The following ENOX2 variants were observed in gnomAD, a reference collection of about 807,000 sequenced individuals.
The protein encoded by ENOX2 is ecto-NOX disulfide-thiol exchanger 2.
Under a neutral mutation model 45.0 loss-of-function variants are expected in ENOX2, and 36 were observed. That is an observed-to-expected ratio of 0.80 (90% confidence interval 0.61 to 1.06). The LOEUF (loss-of-function observed/expected upper bound fraction) is 1.06, where lower values mean the gene tolerates loss of function less well. Ranked by LOEUF, ENOX2 falls within the 50% of genes least tolerant of loss-of-function variation. The probability of loss-of-function intolerance (pLI) is 0.00; values close to 1 mark genes in which losing one functional copy is unlikely to be tolerated. For missense variants in ENOX2, 423 were observed against 462.5 expected, an observed-to-expected ratio of 0.91 and a Z score of 0.78; for synonymous variants, 174 against 152.3, an observed-to-expected ratio of 1.14 and a Z score of -1.05.
intron 13 of ENOX2, among the ~76,000 whole-genome samples, chrX:130,630,336 T>C (rs1212755364): frequency 1.8e-5 from 2 of 111,110 alleles, no homozygotes; most frequent in East Asian, 5.6e-4. Context: ...AGAGTTAAGA[T>C]GAGTGGTAGC....
In ENOX2 at chrX:130,628,061, T is replaced by C. The variant is rs1569475424; in HGVS notation, c.1529-18A>G. Reference sequence around the variant, plus strand: ...GATAATCCCTACAGAGACAAGAGCATGGAGGTTATACTTGAGCCTTGTATT... The same window carrying C: ...GATAATCCCTACAGAGACAAGAGCACGGAGGTTATACTTGAGCCTTGTATT... On this transcript the variant is annotated intron_variant, in intron 13 of 14. Coordinates refer to ENST00000394363, the MANE Select transcript of ENOX2 (RefSeq NM_006375.4). 2.7e-6 allele frequency: 3 copies of C among 1,112,292 alleles called. No individual in the cohort carries two copies. The highest frequency in any genetic ancestry group is 6.0e-5 in the East Asian group (2 of 33,400). The allele number at this position is 1,112,292 out of a possible 1,213,427, so 91.7% of individuals were successfully genotyped here.
intron 2 of ENOX2, among the ~76,000 whole-genome samples, chrX:130,831,048 G>A (rs1013936963): frequency 1.3e-4 from 14 of 111,705 alleles, no homozygotes; most frequent in Non-Finnish European, 2.1e-4. Context: ...GGGCAGAAGG[G>A]CAAGCAAGCA....
At chrX:130,814,694 G>C (rs770795974) in intron 2 of ENOX2, among the ~76,000 whole-genome samples, 4 of 111,999 alleles carry the variant, frequency 3.6e-5, no homozygotes, top group African/African-American at 9.8e-5. Context: ...GAAAGGAATA[G>C]CATCAACATC....
chrX:130,690,888 C>A (rs750525239), intron 4 of ENOX2, among the ~76,000 whole-genome samples: 1 of 111,325 alleles, frequency 9.0e-6, no homozygotes, highest in East Asian at 2.8e-4. Context: ...CTCTCACATG[C>A]CTTTTTATCC....
intron 2 of ENOX2, among the ~76,000 whole-genome samples, chrX:130,878,076 A>G (rs1444991623): frequency 1.8e-5 from 2 of 112,241 alleles, no homozygotes; most frequent in East Asian, 5.7e-4. Flanking sequence ...CTAATGTTCT[A>G]ACATAGCCCT....
intron 2 of ENOX2, among the ~76,000 whole-genome samples, chrX:130,823,830 G>A (rs976555200): frequency 1.8e-5 from 2 of 110,642 alleles, no homozygotes; most frequent in Admixed American, 9.7e-5. Context: ...AATTATCTGG[G>A]GCACTACCAA....
intron 3 of ENOX2, among the ~76,000 whole-genome samples, chrX:130,739,018 T>C (rs985054033): frequency 8.9e-6 from 1 of 112,739 alleles, no homozygotes; most frequent in East Asian, 2.8e-4. Flanking sequence ...AACACCTGCT[T>C]TGAAGACTAA....
chrX:130,631,512 A>C lies in ENOX2; in HGVS notation c.1484T>G (p.Met495Arg), dbSNP rs1335767722. The change falls in exon 13 of 15, where the codon ATG becomes AGG. Residue 495 changes from methionine to arginine, a missense_variant. Transcript: ENST00000394363. The part of the protein sequence containing the change: ...QDSEYPLEKT[M>R]NSSPIKSERE... The stretch of plus-strand genomic sequence containing the variant: ...TTCAGATTTGATAGGACTGCTGTTC[A>C]TGGTCTTCTCAAGAGGGTATTCGCT... The C allele has an allele frequency of 2.5e-6, 3 of 1,206,642 alleles. No homozygotes were observed. Among genetic ancestry groups the C allele is most frequent in the Non-Finnish European group, 3.4e-6 (3 of 890,885 alleles).
chrX:130,845,626 C>T (rs980391804), intron 2 of ENOX2, among the ~76,000 whole-genome samples: 46 of 111,701 alleles, frequency 4.1e-4, no homozygotes, highest in Admixed American at 9.4e-5. Flanking sequence ...CCACCACACC[C>T]GGCTAATTTT....
chrX:130,659,046 C>T (rs2148094423), intron 9 of ENOX2, among the ~76,000 whole-genome samples: 1 of 112,040 alleles, frequency 8.9e-6, no homozygotes, highest in East Asian at 2.8e-4. Flanking sequence ...CATTTAGAGG[C>T]CAATTAATGC....
chrX:130,642,849 C>G (rs191824627), intron 10 of ENOX2, among the ~76,000 whole-genome samples: 2 of 112,275 alleles, frequency 1.8e-5, no homozygotes, highest in Non-Finnish European at 3.8e-5. Context: ...TAAAAGACTA[C>G]AGTATAATGT....
intron 10 of ENOX2, among the ~76,000 whole-genome samples, chrX:130,642,436 G>A (rs2148046265): frequency 8.9e-6 from 1 of 112,395 alleles, no homozygotes; most frequent in African/African-American, 3.2e-5. Flanking sequence ...TGAAGATGCT[G>A]TGAACATTGT....
intron 2 of ENOX2, among the ~76,000 whole-genome samples, chrX:130,812,527 AAAG>A (rs1047051182): frequency 8.9e-6 from 1 of 112,358 alleles, no homozygotes; most frequent in Non-Finnish European, 1.9e-5. Context: ...CTTCATCACA[AAAG>A]AAGATGGCAA....
intron 2 of ENOX2, among the ~76,000 whole-genome samples, chrX:130,821,742 T>TAAAAAAAAAAAAAAAAAA: frequency 2.6e-4 from 6 of 23,187 alleles, no homozygotes; most frequent in African/African-American, 5.5e-4. Context: ...ATAAATAAAT[T>TAAAAAAAAAAAAAAAAAA]AAAAAAAAAA....
chrX:130,654,950 C>A (rs924827079), intron 10 of ENOX2, among the ~76,000 whole-genome samples: 1 of 112,078 alleles, frequency 8.9e-6, no homozygotes, highest in Non-Finnish European at 1.9e-5. Context: ...AATAACTCCA[C>A]AAACTCAGCA....
intron 2 of ENOX2, among the ~76,000 whole-genome samples, chrX:130,837,634 G>A (rs775159974): frequency 8.1e-5 from 9 of 111,414 alleles, no homozygotes; most frequent in African/African-American, 1.6e-4. Context: ...TATGCTAGGC[G>A]AAAATCTGAA....
rs1278108855 is a variant in ENOX2, at chrX:130,622,945, T to A, written c.*2369A>T. Among the ~76,000 whole-genome samples, 3 of 111,116 alleles carry A rather than the reference T, an allele frequency of 2.7e-5. No individual in the cohort carries two copies. The highest frequency in any genetic ancestry group is 5.7e-5 in the Non-Finnish European group (3 of 53,058). On this transcript the variant is annotated 3_prime_UTR_variant, in exon 15 of 15. Transcript: ENST00000394363. ...AGGAGTTGGATGTTGCAGTTTTGAG[T>A]CCAAAGGCAGTCTCGAAGCAGAATT... is the stretch of plus-strand genomic sequence containing the variant.
At chrX:130,842,866 A>G (rs1424234684) in intron 2 of ENOX2, among the ~76,000 whole-genome samples, 1 of 111,095 alleles carries the variant, frequency 9.0e-6, no homozygotes, top group African/African-American at 3.3e-5. Context: ...TAATCTGTAC[A>G]TCATGAGAGT....
intron 2 of ENOX2, among the ~76,000 whole-genome samples, chrX:130,873,992 A>G (rs2078649567): frequency 9.0e-6 from 1 of 110,969 alleles, no homozygotes; most frequent in Admixed American, 9.6e-5. Context: ...GTGTATACCT[A>G]TGTAACAAGC....
Sources: allele counts gnomAD v4.1 joint callset (sites outside exome capture counted in the v4.1 genomes callset), GRCh38; gene constraint gnomAD v4.1.1; transcripts MANE v1.5; gene names NCBI Gene and HGNC (gene_info 2026-07-23, HGNC 2026-07-21).